COL11A1: variants seen among roughly 807,000 people sequenced by gnomAD.
COL11A1 encodes the protein collagen alpha-1(XI) chain.
In COL11A1, 74 loss-of-function variants were observed where a neutral mutation model predicts 265.2. That is an observed-to-expected ratio of 0.28 (90% CI 0.23 to 0.34). COL11A1 has a LOEUF of 0.34. Ranked by LOEUF, COL11A1 falls within the 10% of genes least tolerant of loss-of-function variation. The pLI is 1.00. For missense variants in COL11A1, 2,165 were observed against 2,263.6 expected (o/e 0.96, Z 0.88); for synonymous variants, 816 against 727.6 (o/e 1.12, Z -1.96).
intron 57 of COL11A1, among the ~76,000 whole-genome samples, chr1:102,897,352 C>T (rs978763265): frequency 6.6e-6 from 1 of 151,542 alleles, no homozygotes; most frequent in African/African-American, 2.4e-5. Flanking sequence ...CATACGAGTG[C>T]TATATGTATG....
At position 103,059,017 on chromosome 1, in the gene COL11A1, T is replaced by A. The variant is rs116886543; in HGVS notation, c.651+15601A>T. Among the ~76,000 whole-genome samples the A allele has an allele frequency of 5.7e-4, 86 of 150,478 alleles. 1 individual carries two copies. The East Asian group carries it at 0.011, about 20-fold the overall frequency. On this transcript the variant is annotated intron_variant, in intron 4 of 66. Transcript: ENST00000370096. ...TTATTGAAATGTGACACAGTCATGATGTGAGCACATGCTGCTGGAAAAAAA... is the reference window on the plus strand; with the variant it reads ...TTATTGAAATGTGACACAGTCATGAAGTGAGCACATGCTGCTGGAAAAAAA...
intron 66 of COL11A1, among the ~76,000 whole-genome samples, chr1:102,878,474 T>TAATATATATATATA: frequency 1.2e-4 from 1 of 8,610 alleles, no homozygotes; most frequent in Non-Finnish European, 2.2e-4. Flanking sequence ...TATTGAATCC[T>TAATATATATATATA]CATATATATA....
intron 5 of COL11A1, among the ~76,000 whole-genome samples, chr1:103,029,130 C>G (rs1001448370): frequency 1.3e-5 from 2 of 151,898 alleles, no homozygotes; most frequent in Non-Finnish European, 2.9e-5. Context: ...TTAGGATATG[C>G]TACTTAGAGG....
chr1:102,951,161 C>T (rs1158971538), intron 41 of COL11A1, among the ~76,000 whole-genome samples: 9 of 152,100 alleles, frequency 5.9e-5, no homozygotes, highest in African/African-American at 2.2e-4. Flanking sequence ...TTGTATTTTC[C>T]TGAGAATTAG....
intron 7 of COL11A1, among the ~76,000 whole-genome samples, chr1:103,023,371 T>C (rs1422441851): frequency 2.4e-5 from 3 of 124,090 alleles, no homozygotes; most frequent in Non-Finnish European, 3.4e-5. Context: ...TTTTTCTTTC[T>C]TTTTTTTTTT....
rs760697835 is a variant in COL11A1, at chr1:103,031,251, A to G, written c.652-7T>C. 1.1e-4 allele frequency: 60 copies of G among 560,616 alleles called. No homozygotes were observed. The highest frequency in any genetic ancestry group is 4.6e-4 in the East Asian group (7 of 15,336). 34.7% of individuals were successfully genotyped at this position (560,616 alleles called of 1,614,324 possible). A position where few individuals can be genotyped will look rare whatever the true frequency, so the allele number is the denominator to read the frequency against. ...AAAACTGCTGAATGTCCCCCTGGGA[A>G]AAAAAAAAAAACAAAAACAAACAGA... On this transcript the variant is annotated splice_region_variant and splice_polypyrimidine_tract_variant and intron_variant, in intron 4 of 66. Coordinates refer to ENST00000370096, the MANE Select transcript of COL11A1 (RefSeq NM_001854.4).
rs776402979 is a variant in COL11A1 at position 103,078,914 on chromosome 1, A to G, written c.275-43T>C. The G allele has an allele frequency of 1.0e-5, 14 of 1,384,268 alleles. No individual in the cohort carries two copies. The East Asian group carries it at 3.1e-4, about 31-fold the overall frequency. The allele number at this position is 1,384,268 out of a possible 1,614,324, so 85.7% of individuals were successfully genotyped here. A position where few individuals can be genotyped will look rare whatever the true frequency, so the allele number is the denominator to read the frequency against. ...AAGAGTTAGAAATTTCCAATTTCCA[A>G]TTTCTACTTTATTCCTAGATCACTG... is the stretch of plus-strand genomic sequence containing the variant. On this transcript the variant is annotated intron_variant, in intron 2 of 66. Transcript: ENST00000370096.
chr1:103,048,233 T>G (rs1669475511), intron 4 of COL11A1, among the ~76,000 whole-genome samples: 3 of 152,214 alleles, frequency 2.0e-5, no homozygotes, highest in African/African-American at 4.8e-5. Flanking sequence ...CATCTGGTCC[T>G]GGACTTTTTT....
chr1:102,982,691 T>A (rs538605754), intron 31 of COL11A1, among the ~76,000 whole-genome samples: 1 of 152,198 alleles, frequency 6.6e-6, no homozygotes, highest in South Asian at 2.1e-4. Flanking sequence ...ATTTATCCCC[T>A]GCTACTCAAG....
chr1:102,877,003 T>C lies in COL11A1; in HGVS notation c.*1016A>G, dbSNP rs1649574498. ...GAATCAAATTCAAGAACTTGATTGA[T>C]AAGAAAATCTAACATTGCACAAATT... On this transcript the variant is annotated 3_prime_UTR_variant, in exon 67 of 67. Coordinates refer to ENST00000370096, the MANE Select transcript of COL11A1 (RefSeq NM_001854.4). 1 of 152,704 alleles carries C rather than the reference T, an allele frequency of 6.5e-6. No homozygotes were observed. The highest frequency in any genetic ancestry group is 2.1e-4 in the South Asian group (1 of 4,826). 9.5% of individuals were successfully genotyped at this position (152,704 alleles called of 1,614,324 possible). A position where few individuals can be genotyped will look rare whatever the true frequency, so the allele number is the denominator to read the frequency against.
At chr1:102,937,822 G>A (rs569403299) in intron 44 of COL11A1, among the ~76,000 whole-genome samples, 5 of 152,114 alleles carry the variant, frequency 3.3e-5, no homozygotes, top group Admixed American at 1.3e-4. Flanking sequence ...ATCCAGCCTC[G>A]GGTATTCATT....
At chr1:102,929,544 T>A (rs1376379015) in intron 46 of COL11A1, among the ~76,000 whole-genome samples, 4 of 152,084 alleles carry the variant, frequency 2.6e-5, no homozygotes, top group Non-Finnish European at 5.9e-5. Context: ...CAGCTTTGTT[T>A]TTTTGGCTTA....
At chr1:102,942,826 A>T (rs1658870967) in intron 42 of COL11A1, among the ~76,000 whole-genome samples, 1 of 152,100 alleles carries the variant, frequency 6.6e-6, no homozygotes, top group Non-Finnish European at 1.5e-5. Context: ...ATTATTCTGA[A>T]CACTTCTCAC....
chr1:102,964,558 A>C (rs1661216422), intron 38 of COL11A1, among the ~76,000 whole-genome samples: 1 of 151,426 alleles, frequency 6.6e-6, no homozygotes, highest in Non-Finnish European at 1.5e-5. Context: ...ATTCCTAAAA[A>C]CAAGATGCAG....
rs1484664885 is a variant in COL11A1, at chr1:103,008,512, C to G, written c.1634G>C (p.Gly545Ala). ...GLTGRPGPVG[G>A]PGSSGAKGES... ...ACCTTTGGCCCCAGATGAACCAGGC[C>G]CCCCCTATAGAGAAAAAGTGAAGAT... The change falls in exon 15 of 67, where the codon GGG becomes GCG. Residue 545 changes from glycine (G) to alanine (A), a missense_variant. Gly to Ala is a moderately conservative substitution (Grantham distance 60). Transcript: ENST00000370096. The G allele has an allele frequency of 5.6e-6, 9 of 1,613,460 alleles. No homozygotes were observed. In the East Asian group the frequency reaches 1.8e-4, roughly 32 times the overall value.
chr1:102,992,233 T>A (rs1314839830), intron 28 of COL11A1, among the ~76,000 whole-genome samples: 1 of 152,094 alleles, frequency 6.6e-6, no homozygotes, highest in Non-Finnish European at 1.5e-5. Context: ...TTTTAGCAAG[T>A]GACGTATCAA....
intron 54 of COL11A1, among the ~76,000 whole-genome samples, chr1:102,904,967 C>A (rs1043949235): frequency 1.8e-4 from 27 of 152,062 alleles, no homozygotes; most frequent in African/African-American, 6.5e-4. Context: ...AGACTTGGAA[C>A]CAACCTAAAT....
At chr1:102,937,984 A>AC (rs887493622) in intron 44 of COL11A1, among the ~76,000 whole-genome samples, 1 of 152,128 alleles carries the variant, frequency 6.6e-6, no homozygotes. Flanking sequence ...CAGTGCTATC[A>AC]CCTGTTTGTT....
intron 5 of COL11A1, among the ~76,000 whole-genome samples, chr1:103,026,649 G>T (rs1388175667): frequency 6.6e-6 from 1 of 152,090 alleles, no homozygotes; most frequent in Non-Finnish European, 1.5e-5. Context: ...CTTGGACATA[G>T]ATGTCAAATA....
Sources: allele counts gnomAD v4.1 joint callset (sites outside exome capture counted in the v4.1 genomes callset), GRCh38; gene constraint gnomAD v4.1.1; transcripts MANE v1.5; gene names NCBI Gene and HGNC (gene_info 2026-07-23, HGNC 2026-07-21).